Variants in CDKL5 observed in about 807,000 individuals in gnomAD.
CDKL5 encodes cyclin-dependent kinase-like 5.
In CDKL5, 8 loss-of-function variants were observed where a neutral mutation model predicts 61.7. The ratio of observed to expected loss-of-function variants is 0.13; its 90% CI spans 0.08 to 0.23. CDKL5 has a LOEUF of 0.23. Ranked by LOEUF, CDKL5 falls within the 10% of genes least tolerant of loss-of-function variation. CDKL5 has a pLI of 1.00. For synonymous variants in CDKL5, 275 were observed against 272.3 expected (o/e 1.01, Z -0.10); for missense variants, 440 against 734.5 (o/e 0.60, Z 4.63).
intron 3 of CDKL5, among the ~76,000 whole-genome samples, chrX:18,528,967 T>G (rs1923546636): frequency 2.7e-5 from 3 of 111,370 alleles, no homozygotes; most frequent in Admixed American, 9.6e-5. Flanking sequence ...TTAAATCTAC[T>G]CTGATAATTT....
At chrX:18,646,976 G>A (rs1927799747) in intron 20 of CDKL5, among the ~76,000 whole-genome samples, 1 of 110,459 alleles carries the variant, frequency 9.1e-6, no homozygotes, top group African/African-American at 3.3e-5. Context: ...TAGTGCAGTG[G>A]TGTGATCTCG....
rs1002067271 is a variant in CDKL5, at chrX:18,467,480, A to G, written c.-162-39455A>G. Among the ~76,000 whole-genome samples, 4 of 111,744 alleles carry G rather than the reference A, an allele frequency of 3.6e-5. No individual in the cohort carries two copies. The East Asian group carries it at 1.1e-3, about 31-fold the overall frequency. On this transcript the variant is annotated intron_variant, in intron 1 of 17. Coordinates refer to ENST00000623535, the MANE Select transcript of CDKL5 (RefSeq NM_001323289.2). ...TCAAAAACCCTACATCTTTTTCACT[A>G]GCTCTGGGTCTCTTCTTTGGCTTTT...
chrX:18,484,481 C>T (rs1419534341), intron 1 of CDKL5, among the ~76,000 whole-genome samples: 2 of 109,169 alleles, frequency 1.8e-5, no homozygotes, highest in East Asian at 5.9e-4. Flanking sequence ...CCATGCCCAG[C>T]GAATTTTTGT....
At chrX:18,621,974 C>G (rs1926902754) in intron 16 of CDKL5, among the ~76,000 whole-genome samples, 1 of 111,718 alleles carries the variant, frequency 9.0e-6, no homozygotes, top group Non-Finnish European at 1.9e-5. Flanking sequence ...GGTTTTTGTT[C>G]TAAACCACAG....
intron 1 of CDKL5, among the ~76,000 whole-genome samples, chrX:18,489,102 A>C (rs994817020): frequency 1.8e-5 from 2 of 110,810 alleles, no homozygotes; most frequent in African/African-American, 3.3e-5. Context: ...AGGAGAGAAT[A>C]CTGTCTGGCA....
intron 1 of CDKL5, among the ~76,000 whole-genome samples, chrX:18,439,882 T>A (rs907673339): frequency 9.1e-6 from 1 of 109,453 alleles, no homozygotes; most frequent in African/African-American, 3.4e-5. Context: ...TGTAGTCTAT[T>A]AAGTGTGCAA....
chrX:18,569,072 C>T (rs1379156112), intron 4 of CDKL5, among the ~76,000 whole-genome samples: 1 of 111,746 alleles, frequency 8.9e-6, no homozygotes, highest in East Asian at 2.8e-4. Flanking sequence ...GCCTGTGATT[C>T]TCTCTGAAAG....
At position 18,561,435 on chromosome X, in the gene CDKL5, T is replaced by TAA. The variant is rs202243682; in HGVS notation, c.100-3029_100-3028dup. Among the ~76,000 whole-genome samples the TAA allele has an allele frequency of 4.5e-3, 437 of 96,501 alleles. 3 individuals are homozygous for TAA. Among genetic ancestry groups the TAA allele is most frequent in the African/African-American group, 0.015 (392 of 26,815 alleles). 83.8% of individuals were successfully genotyped at this position (96,501 alleles called of 115,157 possible). A position where few individuals can be genotyped will look rare whatever the true frequency, so the allele number is the denominator to read the frequency against. On this transcript the variant is annotated intron_variant, in intron 3 of 17. Transcript: ENST00000623535. ...TAAACAGTGAAGGAAACTGAATATG[T>TAA]AAAAAAAAAAAAAATTATAGCTCAT...
At chrX:18,591,556 T>C (rs189283720) in intron 9 of CDKL5, among the ~76,000 whole-genome samples, 2 of 111,512 alleles carry the variant, frequency 1.8e-5, no homozygotes, top group Non-Finnish European at 3.8e-5. Context: ...AATTCTCTTT[T>C]TTGTTTAGAA....
Position 18,628,542 on chromosome X carries a change from C to T in CDKL5, c.2668C>T (p.Arg890Trp), listed in dbSNP as rs1354788122. 9.9e-6 allele frequency: 12 copies of T among 1,210,298 alleles called. No homozygotes were observed. Among genetic ancestry groups the T allele is most frequent in the Admixed American group, 4.4e-5 (2 of 45,843 alleles). The change falls in exon 18 of 18, where the codon CGG becomes TGG. Residue 890 changes from arginine to tryptophan, a missense_variant. Around this residue, in one of 2 missense-constraint regions of CDKL5, gnomAD observed 363 missense variants for 516.3 expected, o/e 0.70. Transcript: ENST00000623535. ...SQASGGSSNI[R>W]QEPAPKGRPA... ...GGCCTCTGGCGGGAGCAGCAACATC[C>T]GGCAGGAACCCGCACCGAAGGGCAG...
At chrX:18,535,454 T>C (rs1394444793) in intron 3 of CDKL5, 1 of 111,857 alleles carries the variant, frequency 8.9e-6, no homozygotes, top group African/African-American at 3.3e-5. Context: ...TTGCAGGGAA[T>C]TGAAATAAAG....
At chrX:18,448,567 A>AT (rs2034238664) in intron 1 of CDKL5, among the ~76,000 whole-genome samples, 1 of 112,272 alleles carries the variant, frequency 8.9e-6, no homozygotes, top group Non-Finnish European at 1.9e-5. Flanking sequence ...GAGTGGTGAG[A>AT]TTCCCCATTC....
chrX:18,447,993 C>G (rs1250630139), intron 1 of CDKL5, among the ~76,000 whole-genome samples: 1 of 110,706 alleles, frequency 9.0e-6, no homozygotes, highest in Non-Finnish European at 1.9e-5. Flanking sequence ...TTTAAGCGAT[C>G]CAACTGCCTT....
intron 9 of CDKL5, among the ~76,000 whole-genome samples, chrX:18,594,591 G>A (rs982346923): frequency 3.6e-5 from 4 of 111,765 alleles, no homozygotes; most frequent in Non-Finnish European, 7.5e-5. Flanking sequence ...TAAATGGTAT[G>A]TTGTTGTTAA....
Position 18,634,498 on chromosome X carries a change from A to G in CDKL5, c.*5741A>G, listed in dbSNP as rs1388234239. On this transcript the variant is annotated 3_prime_UTR_variant, in exon 18 of 18. Transcript: ENST00000623535. ...TCATGGAAAAACAAAACAAAACAAAAAAGATGCTTATCGTCCCGGAGAATG... is the reference window on the plus strand; with the variant it reads ...TCATGGAAAAACAAAACAAAACAAAGAAGATGCTTATCGTCCCGGAGAATG... 1.3e-6 allele frequency: 1 copy of G among 754,079 alleles called. No homozygotes were observed. Among genetic ancestry groups the G allele is most frequent in the African/African-American group, 2.3e-5 (1 of 43,780 alleles). 62.1% of individuals were successfully genotyped at this position (754,079 alleles called of 1,213,427 possible). A position where few individuals can be genotyped will look rare whatever the true frequency, so the allele number is the denominator to read the frequency against.
rs1602295509 is a variant in CDKL5, at chrX:18,619,568, T to C, written c.2277-299T>C. Among the ~76,000 whole-genome samples the C allele has an allele frequency of 4.5e-5, 5 of 111,953 alleles. No homozygotes were observed. The South Asian group carries it at 1.8e-3, about 41-fold the overall frequency. ...AAGCCATCCTTTAAGCTGTGTACTT[T>C]TCATAATCTCAAACTCTGAGGTCTT... On this transcript the variant is annotated intron_variant, in intron 15 of 17. Transcript: ENST00000623535.
chrX:18,628,910 T>C lies in CDKL5; in HGVS notation c.*153T>C, dbSNP rs914145550. On this transcript the variant is annotated 3_prime_UTR_variant, in exon 18 of 18. Coordinates refer to ENST00000623535, the MANE Select transcript of CDKL5 (RefSeq NM_001323289.2). ...GCAATATTGCATGTGTTGGGGCCGTTGAGCTCCTCGCGGCCACAAATGCTA... is the reference window on the plus strand; with the variant it reads ...GCAATATTGCATGTGTTGGGGCCGTCGAGCTCCTCGCGGCCACAAATGCTA... 1 of 1,061,406 alleles carries C rather than the reference T, an allele frequency of 9.4e-7. No homozygotes were observed. The allele number at this position is 1,061,406 out of a possible 1,213,427, so 87.5% of individuals were successfully genotyped here.
downstream of CDKL5, among the ~76,000 whole-genome samples, chrX:18,643,104 C>T (rs896565370): frequency 9.0e-6 from 1 of 111,127 alleles, no homozygotes; most frequent in African/African-American, 3.3e-5. Flanking sequence ...GAGGGTGGTG[C>T]CAGAGTAAAG....
Position 18,468,056 on chromosome X carries a change from T to G in CDKL5, c.-162-38879T>G, listed in dbSNP as rs772359799. On this transcript the variant is annotated intron_variant, in intron 1 of 17. Transcript: ENST00000623535. ...AGTCTAGCTGGTTAAATAATTTTATTATTCCTGTAGATTAAAAAATTTTAA... is the reference window on the plus strand; with the variant it reads ...AGTCTAGCTGGTTAAATAATTTTATGATTCCTGTAGATTAAAAAATTTTAA... 6.2e-5 allele frequency among the ~76,000 whole-genome samples: 7 copies of G among 112,130 alleles called. No homozygotes were observed. In the East Asian group the frequency reaches 1.9e-3, roughly 31 times the overall value.
Sources: allele counts gnomAD v4.1 joint callset (sites outside exome capture counted in the v4.1 genomes callset), GRCh38; gene constraint gnomAD v4.1.1; regional missense constraint gnomAD v4.1.1; transcripts MANE v1.5; gene names NCBI Gene and HGNC (gene_info 2026-07-23, HGNC 2026-07-21).